Variants in TMEM63B observed in about 807,000 individuals in gnomAD.
TMEM63B encodes the protein mechanosensitive cation channel TMEM63B.
TMEM63B carries 23 observed loss-of-function variants against 102.6 expected under a neutral mutation model. That is an observed-to-expected ratio of 0.22 (90% confidence interval 0.16 to 0.32). The LOEUF is 0.32. TMEM63B is among the 10% of genes least tolerant of loss of function. The probability of loss-of-function intolerance (pLI) is 1.00; values close to 1 mark genes in which losing one functional copy is unlikely to be tolerated. For synonymous variants in TMEM63B, 444 were observed against 437.0 expected, an observed-to-expected ratio of 1.02 and a Z score of -0.20; for missense variants, 628 against 1,095.9, an observed-to-expected ratio of 0.57 and a Z score of 6.03.
chr6:44,150,696 C>A lies in TMEM63B; in HGVS notation c.1673+67C>A. The A allele has an allele frequency of 6.7e-7, 1 of 1,499,514 alleles. No individual in the cohort carries two copies. Among genetic ancestry groups the A allele is most frequent in the Non-Finnish European group, 9.3e-7 (1 of 1,080,128 alleles). The allele number at this position is 1,499,514 out of a possible 1,614,324, so 92.9% of individuals were successfully genotyped here. A position where few individuals can be genotyped will look rare whatever the true frequency, so the allele number is the denominator to read the frequency against. ...GGGTGGGTATGCTTGAGAGACATTG[C>A]CAGCCCCATGGGAGGGTGCAACAAA... On this transcript the variant is annotated intron_variant, in intron 18 of 23. Transcript: ENST00000323267. This position sits in a 1 kb window ranked among gnomAD's most constrained non-coding sequence, Gnocchi z 4.7.
In TMEM63B at chr6:44,139,455, G is replaced by T. The variant is rs73733839; in HGVS notation, c.408-12G>T. On this transcript the variant is annotated splice_polypyrimidine_tract_variant and intron_variant, in intron 6 of 23. Transcript: ENST00000323267. ...CTAACCTAATTCCTTTGTCCAACCCGTATGGCTGCAGGGATGATGAGATCC... is the reference window on the plus strand; with the variant it reads ...CTAACCTAATTCCTTTGTCCAACCCTTATGGCTGCAGGGATGATGAGATCC... The T allele has an allele frequency of 2.3e-3, 3,660 of 1,613,970 alleles. 77 individuals carry two copies. The African/African-American group carries it at 0.042, about 19-fold the overall frequency.
chr6:44,141,889 A>G (rs1764336524), intron 10 of TMEM63B, among the ~76,000 whole-genome samples: 1 of 152,062 alleles, frequency 6.6e-6, no homozygotes, highest in Non-Finnish European at 1.5e-5. Context: ...TGGGAGGCCA[A>G]AGTGGGCAGA....
rs1275595543 is a variant in TMEM63B at position 44,136,430 on chromosome 6, A to G, written c.360A>G (p.Gln120=). The G allele has an allele frequency of 6.2e-7, 1 of 1,613,720 alleles. No individual in the cohort carries two copies. Among genetic ancestry groups the G allele is most frequent in the Admixed American group, 1.7e-5 (1 of 60,022 alleles). ...TCTCCAGCTCCGTTGACTTTGACCA[A>G]AGGGACAATGTGAGTGCCCTCCCCC... The part of the protein sequence containing the change: ...TSVSSSVDFD[Q]RDNGFCSWLT... The change falls in exon 5 of 24, where the codon CAA becomes CAG. Residue 120 remains glutamine (Q), a synonymous_variant. Transcript: ENST00000323267.
intron 12 of TMEM63B, 124 bp downstream of exon 12, chr6:44,147,624 G>T (rs1353237430): frequency 5.1e-6 from 7 of 1,380,502 alleles, no homozygotes; most frequent in Non-Finnish European, 6.9e-6. Flanking sequence ...AGTTCCCACT[G>T]TTGGGTTTGT....
intron 1 of TMEM63B, chr6:44,132,429 C>A: frequency 1.4e-6 from 1 of 702,156 alleles, no homozygotes; most frequent in Non-Finnish European, 1.7e-6. Context: ...GGGGCTTGTT[C>A]TCATTTCATT....
Position 44,152,351 on chromosome 6 carries a change from C to T in TMEM63B, c.1837-242C>T, listed in dbSNP as rs780011061. On this transcript the variant is annotated intron_variant, in intron 19 of 23. Transcript: ENST00000323267. The surrounding 1 kb of genome is among the most constrained non-coding windows in gnomAD (Gnocchi z 6.4). ...CACCCAACTCTTGCCCCCTACCTGCCAGGCCCCGACCCTTGAAGGCCCCTC... is the reference window on the plus strand; with the variant it reads ...CACCCAACTCTTGCCCCCTACCTGCTAGGCCCCGACCCTTGAAGGCCCCTC... Among the ~76,000 whole-genome samples, 11 of 152,060 alleles carry T rather than the reference C, an allele frequency of 7.2e-5. No homozygotes were observed. The highest frequency in any genetic ancestry group is 1.3e-4 in the Non-Finnish European group (9 of 67,988).
Position 44,154,621 on chromosome 6 carries a change from C to T in TMEM63B, c.2308-71C>T, listed in dbSNP as rs184712564. 1.3e-4 allele frequency: 201 copies of T among 1,501,664 alleles called. No homozygotes were observed. The African/African-American group carries it at 2.7e-3, about 20-fold the overall frequency. The allele number at this position is 1,501,664 out of a possible 1,614,324, so 93.0% of individuals were successfully genotyped here. On this transcript the variant is annotated intron_variant, in intron 23 of 23. Transcript: ENST00000323267. The stretch of plus-strand genomic sequence containing the variant: ...GGGCCCTGCCCACTCTGCTGTCCTA[C>T]ATGCCCTGGTGTTCCCGCAATCCAT...
upstream of TMEM63B, chr6:44,127,175 T>TCCCCGTCGGGACCCCCCCC (rs1777228097): frequency 1.9e-5 from 2 of 106,474 alleles, no homozygotes; most frequent in South Asian, 3.5e-4. Context: ...GGGACCCCCC[T>TCCCCGTCGGGACCCCCCCC]CCCCGTCGGG....
In TMEM63B at chr6:44,148,265, A is replaced by G; in HGVS notation, c.1001A>G (p.Glu334Gly). The change falls in exon 13 of 24, where the codon GAG becomes GGG. Residue 334 changes from glutamate to glycine, a missense_variant. Physicochemically the swap from Glu to Gly is moderately conservative, Grantham distance 98 (BLOSUM62 -2). Coordinates refer to ENST00000323267, the MANE Select transcript of TMEM63B (RefSeq NM_018426.3). The surrounding 1 kb of genome is among the most constrained non-coding windows in gnomAD (Gnocchi z 5.1). ...CCTCCCACAAAGGTGGAGGCCATTGAGTACTACACAAAGCTGGAGCAGAAG... is the reference window on the plus strand; with the variant it reads ...CCTCCCACAAAGGTGGAGGCCATTGGGTACTACACAAAGCTGGAGCAGAAG... ...VRGCEQVEAI[E>G]YYTKLEQKLK... The G allele has an allele frequency of 2.5e-6, 4 of 1,614,240 alleles. No individual in the cohort carries two copies. Among genetic ancestry groups the G allele is most frequent in the Non-Finnish European group, 3.4e-6 (4 of 1,180,030 alleles).
chr6:44,141,493 C>T (rs906436405), intron 10 of TMEM63B, among the ~76,000 whole-genome samples: 3 of 152,218 alleles, frequency 2.0e-5, no homozygotes, highest in African/African-American at 7.2e-5. Context: ...TCCAAGGAGT[C>T]CAGGAGAACT....
In TMEM63B at chr6:44,154,679, TCTC is replaced by T. The variant is rs10537719; in HGVS notation, c.2308-7_2308-5del. 743,672 of 1,533,402 alleles carry T rather than the reference TCTC, an allele frequency of 0.48. 182,725 individuals are homozygous for T. The highest frequency in any genetic ancestry group is 0.58 in the Admixed American group (28,007 of 48,582). The allele number at this position is 1,533,402 out of a possible 1,614,324, so 95.0% of individuals were successfully genotyped here. A position where few individuals can be genotyped will look rare whatever the true frequency, so the allele number is the denominator to read the frequency against. On this transcript the variant is annotated splice_polypyrimidine_tract_variant and intron_variant, in intron 23 of 23. Coordinates refer to ENST00000323267, the MANE Select transcript of TMEM63B (RefSeq NM_018426.3). ...AGCTGTTCACCTTGCCCCCATTTCC[TCTC>T]CTCCTTCAGAAATACATCGCTCAGG...
chr6:44,141,487 A>G (rs1167895320), intron 10 of TMEM63B, among the ~76,000 whole-genome samples: 1 of 152,198 alleles, frequency 6.6e-6, no homozygotes, highest in Non-Finnish European at 1.5e-5. Flanking sequence ...GTGGATTCCA[A>G]GGAGTCCAGG....
At chr6:44,136,578 A>C in intron 5 of TMEM63B, 139 bp downstream of exon 5, 4 of 662,032 alleles carry the variant, frequency 6.0e-6, no homozygotes, top group African/African-American at 1.8e-5. Context: ...TGATTCAACC[A>C]AGGAGCCACA....
chr6:44,138,454 C>A (rs1447057821), intron 5 of TMEM63B, 26 bp from the exon 6 acceptor site: 1 of 1,613,886 alleles, frequency 6.2e-7, no homozygotes, highest in Non-Finnish European at 8.5e-7. Flanking sequence ...CTGGGGACTC[C>A]CGCTGACAGC....
chr6:44,129,105 T>A (rs1471887197), intron 1 of TMEM63B, among the ~76,000 whole-genome samples: 3 of 152,220 alleles, frequency 2.0e-5, no homozygotes, highest in Admixed American at 1.3e-4. Context: ...AAAGTGTTTA[T>A]GCCTATAATT....
chr6:44,145,727 G>A (rs980760320), intron 10 of TMEM63B, among the ~76,000 whole-genome samples: 1 of 152,176 alleles, frequency 6.6e-6, no homozygotes, highest in Non-Finnish European at 1.5e-5. Context: ...CTTGAACCCA[G>A]GAGTTCAAGA....
intron 2 of TMEM63B, 126 bp downstream of exon 2, chr6:44,134,869 C>A: frequency 6.7e-7 from 1 of 1,489,092 alleles, no homozygotes; most frequent in Non-Finnish European, 9.2e-7. Context: ...GAGTCCCCAT[C>A]ATCCAGCCCA....
At position 44,134,644 on chromosome 6, in the gene TMEM63B, G is replaced by C; in HGVS notation, c.60G>C (p.Lys20Asn). The change falls in exon 2 of 24, where the codon AAG becomes AAC. Residue 20 changes from lysine to asparagine, a missense_variant. Physicochemically the swap from Lys to Asn is moderately conservative, Grantham distance 94. This residue lies in a region of TMEM63B where 336 missense variants were observed against 580.3 expected (regional missense o/e 0.58). Transcript: ENST00000323267. ...GTTALNNSNP[K>N]DYCYSARIRS... ...CAGCCCTCAACAACAGCAACCCCAA[G>C]GACTACTGCTACAGCGCCCGCATCC... is the stretch of plus-strand genomic sequence containing the variant. 6.2e-7 allele frequency: 1 copy of C among 1,614,200 alleles called. No homozygotes were observed. The highest frequency in any genetic ancestry group is 2.2e-5 in the East Asian group (1 of 44,888).
intron 21 of TMEM63B, 57 bp from the exon 22 acceptor site, chr6:44,154,016 C>T: frequency 6.3e-7 from 1 of 1,581,910 alleles, no homozygotes; most frequent in African/African-American, 1.3e-5. Context: ...GTATCAGAAG[C>T]TGGGGTGGGG....
Sources: allele counts gnomAD v4.1 joint callset (sites outside exome capture counted in the v4.1 genomes callset), GRCh38; gene constraint gnomAD v4.1.1; regional missense constraint gnomAD v4.1.1; non-coding constraint Gnocchi (gnomAD v3.1); transcripts MANE v1.5; gene names NCBI Gene and HGNC (gene_info 2026-07-23, HGNC 2026-07-21).